NDST4: variants seen among roughly 807,000 people sequenced by gnomAD.
NDST4 encodes the protein N-deacetylase and N-sulfotransferase 4.
A neutral mutation model predicts 100.8 loss-of-function variants in NDST4; 63 were observed. That is an observed-to-expected ratio of 0.62 (90% CI 0.51 to 0.77). The LOEUF (loss-of-function observed/expected upper bound fraction) is 0.77, where lower values mean the gene tolerates loss of function less well. NDST4 is among the 30% of genes least tolerant of loss of function. NDST4 has a pLI of 0.00. For missense variants in NDST4, 943 were observed against 1,018.4 expected (o/e 0.93, Z 1.01); for synonymous variants, 377 against 361.8 (o/e 1.04, Z -0.48).
chr4:114,933,245 G>A (rs1349765868), intron 6 of NDST4, among the ~76,000 whole-genome samples: 1 of 151,972 alleles, frequency 6.6e-6, no homozygotes, highest in Non-Finnish European at 1.5e-5. Flanking sequence ...TCAACAAACA[G>A]GTGTTGGGAA....
At chr4:114,862,122 G>C (rs557143239) in intron 7 of NDST4, among the ~76,000 whole-genome samples, 15 of 152,032 alleles carry the variant, frequency 9.9e-5, no homozygotes, top group African/African-American at 3.6e-4. Flanking sequence ...GAATGACTTA[G>C]GACAGGCACA....
At chr4:115,019,536 T>C (rs755025306) in intron 2 of NDST4, among the ~76,000 whole-genome samples, 1 of 152,118 alleles carries the variant, frequency 6.6e-6, no homozygotes, top group African/African-American at 2.4e-5. Flanking sequence ...TTATTTTAAA[T>C]AGAACTCAGT....
At chr4:115,091,011 G>A (rs1237796849) in intron 1 of NDST4, among the ~76,000 whole-genome samples, 1 of 151,838 alleles carries the variant, frequency 6.6e-6, no homozygotes, top group Non-Finnish European at 1.5e-5. Flanking sequence ...TTTTGTTACT[G>A]TTGTGCACAA....
chr4:114,924,678 C>T (rs559029092), intron 6 of NDST4, among the ~76,000 whole-genome samples: 1 of 152,112 alleles, frequency 6.6e-6, no homozygotes, highest in African/African-American at 2.4e-5. Context: ...AAAATAAATA[C>T]CCCTGAGTTC....
At chr4:115,012,850 A>T (rs1363806397) in intron 2 of NDST4, among the ~76,000 whole-genome samples, 1 of 152,088 alleles carries the variant, frequency 6.6e-6, no homozygotes, top group East Asian at 1.9e-4. Context: ...AAATGTATGC[A>T]CAATGGAGTA....
At chr4:114,989,978 T>G (rs889329015) in intron 2 of NDST4, among the ~76,000 whole-genome samples, 2 of 152,152 alleles carry the variant, frequency 1.3e-5, no homozygotes, top group African/African-American at 2.4e-5. Context: ...GTGAGTTGAC[T>G]TCATCGGCAT....
intron 2 of NDST4, among the ~76,000 whole-genome samples, chr4:115,001,027 C>T (rs1727278995): frequency 6.6e-6 from 1 of 152,120 alleles, no homozygotes; most frequent in Non-Finnish European, 1.5e-5. Flanking sequence ...CCTTCATCCT[C>T]ATGACCCACT....
chr4:114,945,836 T>C (rs1355710209), intron 4 of NDST4, among the ~76,000 whole-genome samples: 4 of 152,198 alleles, frequency 2.6e-5, no homozygotes, highest in African/African-American at 9.7e-5. Context: ...TTCTTCTGTT[T>C]TCATAAGTGA....
intron 10 of NDST4, among the ~76,000 whole-genome samples, chr4:114,845,120 G>A (rs989506830): frequency 5.9e-5 from 9 of 151,954 alleles, no homozygotes; most frequent in East Asian, 5.8e-4. Flanking sequence ...GCTCGAGCCC[G>A]GGAGTTCAAG....
chr4:114,931,707 A>G (rs926188425), intron 6 of NDST4, among the ~76,000 whole-genome samples: 2 of 151,900 alleles, frequency 1.3e-5, no homozygotes, highest in African/African-American at 4.8e-5. Context: ...AAAACAGACT[A>G]CTATGAACAA....
chr4:115,094,649 T>C (rs1729585157), intron 1 of NDST4, among the ~76,000 whole-genome samples: 1 of 152,152 alleles, frequency 6.6e-6, no homozygotes, highest in Non-Finnish European at 1.5e-5. Flanking sequence ...GTGACCTTAT[T>C]TGGAAATAGG....
chr4:114,933,049 T>A (rs1725546800), intron 6 of NDST4, among the ~76,000 whole-genome samples: 1 of 152,132 alleles, frequency 6.6e-6, no homozygotes, highest in Admixed American at 6.5e-5. Flanking sequence ...GCTGGAGACA[T>A]CATGTTATCT....
At chr4:115,047,953 G>A (rs189446989) in intron 2 of NDST4, among the ~76,000 whole-genome samples, 2 of 152,128 alleles carry the variant, frequency 1.3e-5, no homozygotes, top group East Asian at 3.9e-4. Context: ...GAGGTTAAAT[G>A]AGGTGCCATT....
At chr4:115,029,676 G>T (rs1728073645) in intron 2 of NDST4, among the ~76,000 whole-genome samples, 1 of 152,092 alleles carries the variant, frequency 6.6e-6, no homozygotes, top group African/African-American at 2.4e-5. Flanking sequence ...CAAATGAGGA[G>T]CTAGAAACAC....
At chr4:115,075,677 C>T (rs1337364135) in intron 2 of NDST4, among the ~76,000 whole-genome samples, 3 of 146,738 alleles carry the variant, frequency 2.0e-5, no homozygotes, top group Admixed American at 7.0e-5. Flanking sequence ...CCCAGCTACT[C>T]GGGAGGCTGA....
chr4:115,026,840 T>C (rs116099910), intron 2 of NDST4, among the ~76,000 whole-genome samples: 1,710 of 152,214 alleles, frequency 0.011, 34 homozygotes, highest in African/African-American at 0.039. Context: ...ATTTGTCTGA[T>C]TTGTATTTTA....
At chr4:115,106,648 A>G (rs1729838970) in intron 1 of NDST4, among the ~76,000 whole-genome samples, 1 of 152,176 alleles carries the variant, frequency 6.6e-6, no homozygotes, top group African/African-American at 2.4e-5. Flanking sequence ...TGTTTAGTAC[A>G]GAAACAATCA....
At position 115,083,220 on chromosome 4, in the gene NDST4, G is replaced by C. The variant is rs148063971; in HGVS notation, c.-246-5938C>G. Among the ~76,000 whole-genome samples, 43 of 152,266 alleles carry C rather than the reference G, an allele frequency of 2.8e-4. No individual in the cohort carries two copies. In the East Asian group the frequency reaches 7.9e-3, roughly 28 times the overall value. On this transcript the variant is annotated intron_variant, in intron 1 of 13. Coordinates refer to ENST00000264363, the MANE Select transcript of NDST4 (RefSeq NM_022569.3). The stretch of plus-strand genomic sequence containing the variant: ...AATTCCAGCACTTTGGGAGTCTGAG[G>C]CTGAAGGATTGCTTGAGTCCAGGAG...
chr4:114,841,273 T>A (rs974312035), intron 10 of NDST4, among the ~76,000 whole-genome samples: 11 of 152,110 alleles, frequency 7.2e-5, no homozygotes, highest in African/African-American at 2.7e-4. Flanking sequence ...GTTATAAAAA[T>A]GTGGGGTAGA....
Sources: allele counts gnomAD v4.1 joint callset (sites outside exome capture counted in the v4.1 genomes callset), GRCh38; gene constraint gnomAD v4.1.1; transcripts MANE v1.5; gene names NCBI Gene and HGNC (gene_info 2026-07-23, HGNC 2026-07-21).